Variants in TDRD12 observed in about 807,000 individuals in gnomAD.
TDRD12 encodes the protein putative ATP-dependent RNA helicase TDRD12.
In TDRD12, 158 loss-of-function variants were observed where a neutral mutation model predicts 133.5. The observed-to-expected ratio is 1.18, with a 90% confidence interval of 1.04 to 1.35. TDRD12 has a LOEUF of 1.35. TDRD12 is among the 40% of genes most tolerant of loss of function. TDRD12 has a pLI of 0.00. For synonymous variants in TDRD12, 460 were observed against 477.9 expected (o/e 0.96, Z 0.49); for missense variants, 1,443 against 1,321.3 (o/e 1.09, Z -1.43).
At chr19:32,807,267 T>TTAAA (rs1971577843) in intron 21 of TDRD12, among the ~76,000 whole-genome samples, 3 of 47,208 alleles carry the variant, frequency 6.4e-5, no homozygotes, top group Non-Finnish European at 3.4e-5. Flanking sequence ...ACCAAACTCT[T>TTAAA]AAAAAAAAAA....
chr19:32,800,243 C>G (rs1289061407), exon 17 of TDRD12: 1 of 1,534,964 alleles, frequency 6.5e-7, no homozygotes, highest in Admixed American at 2.0e-5. Flanking sequence ...CAGATTGTTG[C>G]AGTTGGAGTT....
chr19:32,826,165 C>G, downstream of TDRD12: 1 of 1,535,548 alleles, frequency 6.5e-7, no homozygotes, highest in Non-Finnish European at 8.7e-7. Context: ...TGAAAAGGTA[C>G]GTCCACTCGG....
chr19:32,803,741 C>T (rs1419577414), intron 21 of TDRD12, among the ~76,000 whole-genome samples: 1 of 152,168 alleles, frequency 6.6e-6, no homozygotes, highest in Non-Finnish European at 1.5e-5. Context: ...CAACCCTCAC[C>T]AGCGCTTAGT....
In TDRD12 at chr19:32,811,247, TG is replaced by T; in HGVS notation, c.2878del (p.Ala960ProfsTer7). The stretch of plus-strand genomic sequence containing the variant: ...GGAAGTGAACCAAAAAGAAGACGCC[TG>T]GGCCCTGGATGACATCCTTGTAGAG... On this transcript the variant is annotated frameshift_variant, in exon 24 of 28. Coordinates refer to ENST00000444215, the Ensembl canonical transcript of TDRD12. LOFTEE classifies it high-confidence loss of function. The T allele has an allele frequency of 6.5e-7, 1 of 1,536,068 alleles. No individual in the cohort carries two copies. The highest frequency in any genetic ancestry group is 8.7e-7 in the Non-Finnish European group (1 of 1,146,908).
chr19:32,792,793 T>G (rs1971110558), intron 13 of TDRD12, among the ~76,000 whole-genome samples: 1 of 152,176 alleles, frequency 6.6e-6, no homozygotes. Context: ...ATCTAAAGAT[T>G]ATGAAGGCTT....
At chr19:32,761,152 T>G (rs1970138647) in intron 8 of TDRD12, among the ~76,000 whole-genome samples, 1 of 152,244 alleles carries the variant, frequency 6.6e-6, no homozygotes, top group East Asian at 1.9e-4. Context: ...AGTCTCACTC[T>G]GTCTCCCAGG....
intron 21 of TDRD12, among the ~76,000 whole-genome samples, chr19:32,807,265 CTT>C (rs1344350268): frequency 1.0e-4 from 4 of 38,440 alleles, no homozygotes; most frequent in African/African-American, 9.9e-4. Flanking sequence ...AGACCAAACT[CTT>C]AAAAAAAAAA....
chr19:32,793,260 A>G (rs1971123091), intron 13 of TDRD12, among the ~76,000 whole-genome samples: 1 of 152,140 alleles, frequency 6.6e-6, no homozygotes, highest in Non-Finnish European at 1.5e-5. Flanking sequence ...CAAACTGTGG[A>G]TGGAGCGTGA....
rs1262515590 is a variant in TDRD12, at chr19:32,803,022, G to A, written c.2432G>A (p.Arg811Gln). Residue 811 changes from arginine (R) to glutamine (Q), a missense_variant, in exon 21 of 28, where the codon CGA becomes CAA. Physicochemically the swap from Arg to Gln is conservative, Grantham distance 43 (BLOSUM62 1). Transcript: ENST00000444215. ...GTGGGCGTCCTGCGCTACTTGGAGC[G>A]AGCGGACGCCAAGGTCCCCGCAGAG... 2.5e-5 allele frequency: 39 copies of A among 1,535,802 alleles called. No homozygotes were observed. Among genetic ancestry groups the A allele is most frequent in the Admixed American group, 5.9e-5 (3 of 50,950 alleles).
chr19:32,795,352 AG>A lies in TDRD12; in HGVS notation c.1473+540del, dbSNP rs1470166673. Among the ~76,000 whole-genome samples, 389 of 145,060 alleles carry A rather than the reference AG, an allele frequency of 2.7e-3. 5 individuals carry two copies. Among genetic ancestry groups the A allele is most frequent in the African/African-American group, 9.5e-3 (372 of 38,988 alleles). ...CCATCTCAGAAAAAAAAAAAAAAAA[AG>A]AAAGAAAAAGAAAAAATGGATATCG... On this transcript the variant is annotated intron_variant, in intron 14 of 27. Coordinates refer to ENST00000444215, the Ensembl canonical transcript of TDRD12.
intron 23 of TDRD12, 135 bp from the exon 24 acceptor site, chr19:32,811,075 T>C: frequency 1.5e-6 from 1 of 673,840 alleles, no homozygotes; most frequent in South Asian, 2.1e-5. Flanking sequence ...AAGGCCTTAG[T>C]TTTTTATTTC....
intron 3 of TDRD12, among the ~76,000 whole-genome samples, chr19:32,739,318 TCTCTGCATCTCCTGGCTA>T (rs796973591): frequency 5.3e-5 from 7 of 131,844 alleles, no homozygotes; most frequent in South Asian, 2.5e-4. Flanking sequence ...TCATGGCTAC[TCTCTGCATCTCCTGGCTA>T]CTCTGCATCT....
At chr19:32,731,768 G>A in exon 2 of TDRD12, 13 of 1,550,684 alleles carry the variant, frequency 8.4e-6, no homozygotes, top group Non-Finnish European at 1.1e-5. Context: ...AAAGGGTGTA[G>A]TCCCTTTTTA....
chr19:32,732,012 GT>G (rs199904623), intron 2 of TDRD12, 129 bp downstream of exon 2: 183 of 920,670 alleles, frequency 2.0e-4, no homozygotes, highest in South Asian at 3.1e-4. Flanking sequence ...CTTGTGTTAG[GT>G]TTTTTTTTGA....
chr19:32,777,077 G>A (rs1287230898), intron 10 of TDRD12, 72 bp from the exon 11 acceptor site: 6 of 945,104 alleles, frequency 6.3e-6, no homozygotes, highest in Admixed American at 5.7e-5. Flanking sequence ...TATTTTTGTC[G>A]AGATGGGGAC....
At position 32,821,064 on chromosome 19, in the gene TDRD12, C is replaced by CAG. The variant is rs1568499251; in HGVS notation, c.3418_3419dup (p.Ser1140ArgfsTer35). ...TCCAGCAGAAGATGCTGCTTGCCTG[C>CAG]AGAGCCCCCAGCCTGAGGACACGGG... On this transcript the variant is annotated frameshift_variant, in exon 28 of 28. Coordinates refer to ENST00000444215, the Ensembl canonical transcript of TDRD12. LOFTEE classifies it low-confidence loss of function (END_TRUNC). The CAG allele has an allele frequency of 1.3e-6, 2 of 1,535,894 alleles. No individual in the cohort carries two copies. Among genetic ancestry groups the CAG allele is most frequent in the East Asian group, 4.9e-5 (2 of 40,870 alleles).
chr19:32,731,784 T>C, exon 2 of TDRD12: 1 of 1,551,344 alleles, frequency 6.4e-7, no homozygotes, highest in Non-Finnish European at 8.7e-7. Flanking sequence ...TTTTAGATCA[T>C]GATGTCGATT....
intron 21 of TDRD12, among the ~76,000 whole-genome samples, chr19:32,806,651 C>CTTTA (rs563231946): frequency 3.6e-4 from 54 of 150,738 alleles, no homozygotes; most frequent in Middle Eastern, 3.5e-3. Flanking sequence ...CAAATACTGA[C>CTTTA]TTTATTTATT....
chr19:32,826,450 GGGT>G (rs1967592309), exon 9 of TDRD12: 1 of 1,246,872 alleles, frequency 8.0e-7, no homozygotes, highest in Non-Finnish European at 1.0e-6. Context: ...CCCAGTGCTT[GGGT>G]GGGAGACAAA....
Sources: gnomAD v4.1 joint callset for allele counts (sites outside exome capture counted in the v4.1 genomes callset) on GRCh38, gnomAD v4.1.1 for gene constraint, MANE v1.5 for transcripts, NCBI Gene and HGNC (gene_info 2026-07-23, HGNC 2026-07-21) for gene names.